CCDC172: variants seen among roughly 807,000 people sequenced by gnomAD.
The protein encoded by CCDC172 is coiled-coil domain containing 172, also known as coiled-coil domain-containing protein 172.
Under a neutral mutation model 38.0 loss-of-function variants are expected in CCDC172, and 30 were observed. The observed-to-expected ratio is 0.79, with a 90% CI of 0.59 to 1.07. The LOEUF (loss-of-function observed/expected upper bound fraction) is 1.07, where lower values mean the gene tolerates loss of function less well. Ranked by LOEUF, CCDC172 falls within the 50% of genes least tolerant of loss-of-function variation. The probability of loss-of-function intolerance (pLI) is 0.00; values close to 1 mark genes in which losing one functional copy is unlikely to be tolerated. For missense variants in CCDC172, 297 were observed against 290.1 expected (o/e 1.02, Z -0.17); for synonymous variants, 78 against 88.3 (o/e 0.88, Z 0.66).
intron 5 of CCDC172, among the ~76,000 whole-genome samples, chr10:116,348,201 G>A (rs907127369): frequency 3.3e-5 from 5 of 151,904 alleles, no homozygotes; most frequent in African/African-American, 1.2e-4. Flanking sequence ...TGGTGGTGGT[G>A]GAGAAAGAAG....
At position 116,367,526 on chromosome 10, in the gene CCDC172, A is replaced by AAAGT. The variant is rs1845137128; in HGVS notation, c.653+9590_653+9591insGTAA. On this transcript the variant is annotated intron_variant, in intron 7 of 8. Coordinates refer to ENST00000333254, the MANE Select transcript of CCDC172 (RefSeq NM_198515.3). ...AACACAGTGAAATCCCATCTCTACT[A>AAAGT]AAAGTACAAAAAACTTATCTGGGCG... Among the ~76,000 whole-genome samples the AAAGT allele has an allele frequency of 2.0e-5, 3 of 152,216 alleles. No homozygotes were observed. The South Asian group carries it at 6.2e-4, about 32-fold the overall frequency.
chr10:116,346,079 G>T (rs949942105), intron 5 of CCDC172, among the ~76,000 whole-genome samples: 2 of 152,000 alleles, frequency 1.3e-5, no homozygotes, highest in African/African-American at 4.8e-5. Flanking sequence ...CGGATCACAA[G>T]GTCAGGAGTT....
intron 3 of CCDC172, among the ~76,000 whole-genome samples, chr10:116,335,875 A>G (rs532381191): frequency 3.9e-5 from 6 of 151,930 alleles, no homozygotes; most frequent in Non-Finnish European, 7.4e-5. Flanking sequence ...GGATTCATAT[A>G]TAATAATGGG....
At chr10:116,335,284 T>G (rs1301323700) in intron 3 of CCDC172, among the ~76,000 whole-genome samples, 1 of 152,044 alleles carries the variant, frequency 6.6e-6, no homozygotes, top group Non-Finnish European at 1.5e-5. Context: ...TCGGAAACAC[T>G]GTCTTTATGA....
intron 7 of CCDC172, among the ~76,000 whole-genome samples, chr10:116,359,996 GT>G (rs1845044031): frequency 2.0e-5 from 3 of 152,102 alleles, no homozygotes. Context: ...TGGTTTAATG[GT>G]TCACATTCAG....
At chr10:116,378,815 G>T (rs1192856952) in intron 8 of CCDC172, among the ~76,000 whole-genome samples, 1 of 152,068 alleles carries the variant, frequency 6.6e-6, no homozygotes, top group Non-Finnish European at 1.5e-5. Flanking sequence ...GTTATTAGAG[G>T]ATTACTGCAC....
chr10:116,358,041 G>T, intron 7 of CCDC172, 103 bp downstream of exon 7: 1 of 651,938 alleles, frequency 1.5e-6, no homozygotes, highest in Admixed American at 3.1e-5. Flanking sequence ...TGAAGTTCCA[G>T]ATGAGGACAT....
At chr10:116,341,072 T>C (rs1844788093) in intron 4 of CCDC172, among the ~76,000 whole-genome samples, 2 of 152,000 alleles carry the variant, frequency 1.3e-5, no homozygotes, top group Non-Finnish European at 2.9e-5. Context: ...TTTTCAGTTG[T>C]AATAAGCACA....
chr10:116,344,696 C>T (rs910167538), intron 5 of CCDC172, among the ~76,000 whole-genome samples: 2 of 152,134 alleles, frequency 1.3e-5, no homozygotes, highest in Admixed American at 6.5e-5. Context: ...TTAACATTAA[C>T]TTCAGCTTAC....
In CCDC172 at chr10:116,350,640, G is replaced by A. The variant is rs115564484; in HGVS notation, c.449-6740G>A. Among the ~76,000 whole-genome samples the A allele has an allele frequency of 3.9e-3, 596 of 152,178 alleles. 5 individuals are homozygous for A. The highest frequency in any genetic ancestry group is 0.013 in the African/African-American group (552 of 41,526). ...TTCCTCTTACTCATTTCTCCGAGTT[G>A]TTGAATTCATTTTTCTTAGATGTGA... On this transcript the variant is annotated intron_variant, in intron 5 of 8. Transcript: ENST00000333254.
chr10:116,338,696 A>T (rs951239365), intron 3 of CCDC172, among the ~76,000 whole-genome samples: 1 of 152,060 alleles, frequency 6.6e-6, no homozygotes, highest in Non-Finnish European at 1.5e-5. Flanking sequence ...GCTCAGTGGT[A>T]ATTTAAGCTC....
chr10:116,376,335 A>G (rs1405578873), intron 7 of CCDC172, among the ~76,000 whole-genome samples: 1 of 152,116 alleles, frequency 6.6e-6, no homozygotes, highest in Non-Finnish European at 1.5e-5. Context: ...CTGGCCCAGG[A>G]GTTGCTTAGG....
intron 3 of CCDC172, among the ~76,000 whole-genome samples, chr10:116,326,351 G>A (rs946972886): frequency 6.6e-6 from 1 of 152,146 alleles, no homozygotes; most frequent in African/African-American, 2.4e-5. Context: ...GCCTCGCTAT[G>A]GGTGGGGACA....
chr10:116,356,502 A>T lies in CCDC172; in HGVS notation c.449-878A>T, dbSNP rs529816034. Among the ~76,000 whole-genome samples the T allele has an allele frequency of 2.6e-5, 4 of 152,260 alleles. No homozygotes were observed. The East Asian group carries it at 7.7e-4, about 29-fold the overall frequency. On this transcript the variant is annotated intron_variant, in intron 5 of 8. Transcript: ENST00000333254. ...CAGTGAATTTAGAGATAACTTAAAA[A>T]ATGGAAACACAGAGGGAAACAAAAG...
At chr10:116,356,755 A>G (rs1227372890) in intron 5 of CCDC172, among the ~76,000 whole-genome samples, 1 of 152,230 alleles carries the variant, frequency 6.6e-6, no homozygotes, top group African/African-American at 2.4e-5. Flanking sequence ...TTGTAGCCAT[A>G]TTATGAGTAC....
intron 3 of CCDC172, among the ~76,000 whole-genome samples, chr10:116,329,554 A>G (rs927391726): frequency 1.3e-5 from 2 of 152,192 alleles, no homozygotes; most frequent in African/African-American, 4.8e-5. Flanking sequence ...GTCTCTGCTC[A>G]GTTGTCACCT....
At chr10:116,372,000 C>T (rs1193530384) in intron 7 of CCDC172, among the ~76,000 whole-genome samples, 1 of 152,094 alleles carries the variant, frequency 6.6e-6, no homozygotes, top group Non-Finnish European at 1.5e-5. Flanking sequence ...ATCTGTATTT[C>T]ATCACCCTTA....
chr10:116,338,866 CTTTTACAACAGAT>C (rs577978748), intron 3 of CCDC172, among the ~76,000 whole-genome samples: 127 of 152,118 alleles, frequency 8.3e-4, no homozygotes, highest in Middle Eastern at 3.4e-3. Context: ...TGACATAGAT[CTTTTACAACAGAT>C]CAGTGGTATA....
intron 5 of CCDC172, among the ~76,000 whole-genome samples, chr10:116,349,226 G>C (rs765917551): frequency 6.6e-6 from 1 of 152,148 alleles, no homozygotes; most frequent in Non-Finnish European, 1.5e-5. Context: ...ATTATGGTGA[G>C]TTGTGTGATT....
Sources: allele counts gnomAD v4.1 joint callset (sites outside exome capture counted in the v4.1 genomes callset), GRCh38; gene constraint gnomAD v4.1.1; transcripts MANE v1.5; gene names NCBI Gene and HGNC (gene_info 2026-07-23, HGNC 2026-07-21).